The following EML1 variants were observed in gnomAD, a reference collection of about 807,000 sequenced individuals.
EML1 encodes EMAP like 1, also known as echinoderm microtubule-associated protein-like 1.
Under a neutral mutation model 110.4 loss-of-function variants are expected in EML1, and 27 were observed. That is an observed-to-expected ratio of 0.24 (90% CI 0.18 to 0.34). The LOEUF is 0.34. EML1 is among the 10% of genes least tolerant of loss of function. The pLI, the probability that EML1 is intolerant of heterozygous loss-of-function variation, is 1.00. For missense variants in EML1, 741 were observed against 1,030.9 expected, an observed-to-expected ratio of 0.72 and a Z score of 3.85; for synonymous variants, 344 against 385.8, an observed-to-expected ratio of 0.89 and a Z score of 1.27.
intron 4 of EML1, among the ~76,000 whole-genome samples, chr14:99,888,853 C>T (rs953342207): frequency 1.3e-5 from 2 of 151,978 alleles, no homozygotes; most frequent in Non-Finnish European, 2.9e-5. Flanking sequence ...AGGAAATCAC[C>T]TGGAGGTGTA....
At chr14:99,769,145 A>G (rs995338232), upstream of EML1, among the ~76,000 whole-genome samples, 2 of 152,118 alleles carry the variant, frequency 1.3e-5, no homozygotes, top group East Asian at 1.9e-4. Context: ...AGGGGAACCA[A>G]CTGGAAGGCT....
chr14:99,937,969 T>C (rs971508649), intron 20 of EML1, 57 bp downstream of exon 20: 2 of 1,541,438 alleles, frequency 1.3e-6, no homozygotes, highest in Non-Finnish European at 9.0e-7. Flanking sequence ...TTTTAAAATA[T>C]TTCTTCAGTT....
upstream of EML1, among the ~76,000 whole-genome samples, chr14:99,791,202 C>G (rs2057666631): frequency 6.6e-6 from 1 of 152,200 alleles, no homozygotes; most frequent in Non-Finnish European, 1.5e-5. Context: ...TGCCCTCTCC[C>G]TTTGATATCC....
intron 1 of EML1, among the ~76,000 whole-genome samples, chr14:99,849,009 G>T (rs2089501966): frequency 6.6e-6 from 1 of 151,704 alleles, no homozygotes; most frequent in South Asian, 2.1e-4. Flanking sequence ...AACATAAAAG[G>T]AAAAAGGAAA....
intron 15 of EML1, among the ~76,000 whole-genome samples, chr14:99,916,384 A>G (rs899215785): frequency 7.2e-5 from 11 of 152,362 alleles, no homozygotes; most frequent in African/African-American, 1.9e-4. Context: ...GAAAGAAAGC[A>G]TTGAAATAAT....
intron 1 of EML1, among the ~76,000 whole-genome samples, chr14:99,815,870 T>C (rs1449901570): frequency 6.6e-6 from 1 of 152,172 alleles, no homozygotes; most frequent in Non-Finnish European, 1.5e-5. Flanking sequence ...TGTGTCATGC[T>C]CAGAGGTAAA....
At chr14:99,772,363 G>A (rs1205976370), upstream of EML1, among the ~76,000 whole-genome samples, 1 of 152,176 alleles carries the variant, frequency 6.6e-6, no homozygotes, top group Non-Finnish European at 1.5e-5. Flanking sequence ...CTTTTCTTGG[G>A]TTTCTCCCCA....
At chr14:99,750,039 C>T (rs1415329577) in intron 1 of EML1, among the ~76,000 whole-genome samples, 3 of 152,210 alleles carry the variant, frequency 2.0e-5, no homozygotes. Context: ...TCTTTCTGCC[C>T]CTTATCAGGG....
At chr14:99,844,280 A>G (rs999382443) in intron 1 of EML1, among the ~76,000 whole-genome samples, 1 of 152,192 alleles carries the variant, frequency 6.6e-6, no homozygotes. Flanking sequence ...GGGGTTCAAG[A>G]CCAACCTGGC....
At chr14:99,810,715 T>C (rs1639131035) in intron 1 of EML1, among the ~76,000 whole-genome samples, 1 of 152,232 alleles carries the variant, frequency 6.6e-6, no homozygotes, top group Non-Finnish European at 1.5e-5. Flanking sequence ...CTTGCAACTC[T>C]TAAGTGAAAT....
chr14:99,862,452 G>A (rs182128707), intron 2 of EML1, among the ~76,000 whole-genome samples: 2 of 152,304 alleles, frequency 1.3e-5, no homozygotes, highest in Non-Finnish European at 2.9e-5. Context: ...ACCTTCTTGA[G>A]GGTGGGGTAG....
intron 1 of EML1, among the ~76,000 whole-genome samples, chr14:99,758,317 T>C (rs1295394915): frequency 6.6e-6 from 1 of 152,210 alleles, no homozygotes; most frequent in Non-Finnish European, 1.5e-5. Context: ...CTTGAGATGA[T>C]GTCATCAGAG....
intron 1 of EML1, among the ~76,000 whole-genome samples, chr14:99,845,955 C>T (rs1426881062): frequency 1.3e-5 from 2 of 150,122 alleles, no homozygotes; most frequent in Non-Finnish European, 2.9e-5. Flanking sequence ...GAGGCTGAGG[C>T]AGGAGAATTG....
intron 8 of EML1, 22 bp downstream of exon 8, chr14:99,898,324 T>C: frequency 1.2e-6 from 2 of 1,604,696 alleles, no homozygotes; most frequent in East Asian, 4.5e-5. Flanking sequence ...TACCTTTTCA[T>C]TGTTTCATAA....
rs1469566752 is a variant in EML1, at chr14:99,781,851, C to T, written c.-27+7838C>T. Among the ~76,000 whole-genome samples, 1 of 152,212 alleles carries T rather than the reference C, an allele frequency of 6.6e-6. No homozygotes were observed. The highest frequency in any genetic ancestry group is 1.5e-5 in the Non-Finnish European group (1 of 68,038). On this transcript the variant is annotated intron_variant, in intron 1 of 22. Transcript: ENST00000327921. This position sits in a 1 kb window ranked among gnomAD's most constrained non-coding sequence, Gnocchi z 4.2. Reference sequence around the variant, plus strand: ...CCCGCCTCCTCTCCATACCTCTCATCTCCCAGACTCCTTGAGGCTGGAGGT... The same window carrying T: ...CCCGCCTCCTCTCCATACCTCTCATTTCCCAGACTCCTTGAGGCTGGAGGT...
At position 99,803,386 on chromosome 14, in the gene EML1, C is replaced by T. The variant is rs775299525; in HGVS notation, c.67+9843C>T. Reference sequence around the variant, plus strand: ...AACTGTATGTATACCTGCGTATCTACGTGCATTATACACACATGCACACAT... The same window carrying T: ...AACTGTATGTATACCTGCGTATCTATGTGCATTATACACACATGCACACAT... On this transcript the variant is annotated intron_variant, in intron 1 of 21. Transcript: ENST00000262233. Among the ~76,000 whole-genome samples, 4 of 152,306 alleles carry T rather than the reference C, an allele frequency of 2.6e-5. No homozygotes were observed. In the South Asian group the frequency reaches 6.2e-4, roughly 24 times the overall value.
intron 3 of EML1, among the ~76,000 whole-genome samples, chr14:99,866,927 T>G (rs2059112691): frequency 6.6e-6 from 1 of 152,338 alleles, no homozygotes; most frequent in South Asian, 2.1e-4. Context: ...ATATCATATT[T>G]TGCTTTTTAT....
chr14:99,919,093 G>A (rs1000753446), intron 16 of EML1, among the ~76,000 whole-genome samples: 2 of 152,188 alleles, frequency 1.3e-5, no homozygotes, highest in Non-Finnish European at 2.9e-5. Context: ...GAAGGAGACA[G>A]TGCACACAGC....
chr14:99,776,740 GAT>G (rs1281892767), intron 1 of EML1, among the ~76,000 whole-genome samples: 1 of 152,172 alleles, frequency 6.6e-6, no homozygotes, highest in Non-Finnish European at 1.5e-5. Flanking sequence ...CTCAAATGGT[GAT>G]ATGTTTCCTG....
Sources: gnomAD v4.1 joint callset for allele counts (sites outside exome capture counted in the v4.1 genomes callset) on GRCh38, gnomAD v4.1.1 for gene constraint, Gnocchi (gnomAD v3.1) non-coding constraint, MANE v1.5 for transcripts, NCBI Gene and HGNC (gene_info 2026-07-23, HGNC 2026-07-21) for gene names.